The following AKAP9 variants were observed in gnomAD, a reference collection of about 807,000 sequenced individuals.
AKAP9 encodes A-kinase anchoring protein 9.
Under a neutral mutation model 488.5 loss-of-function variants are expected in AKAP9, and 311 were observed. That is an observed-to-expected ratio of 0.64 (90% CI 0.58 to 0.70). AKAP9 has a LOEUF of 0.70. AKAP9 is among the 30% of genes least tolerant of loss of function. The probability of loss-of-function intolerance (pLI) is 0.00; values close to 1 mark genes in which losing one functional copy is unlikely to be tolerated. For missense variants in AKAP9, 4,215 were observed against 4,374.5 expected (o/e 0.96, Z 1.03); for synonymous variants, 1,462 against 1,483.5 (o/e 0.99, Z 0.33).
chr7:92,031,583 A>G lies in AKAP9; in HGVS notation c.4317A>G (p.Gln1439=), dbSNP rs1197092151. ...TGCTTGAAAAACAATACCAAGAACA[A>G]TTAGAAGAAGAAGTAGCTAAGGTAG... The part of the protein sequence containing the change: ...VKLLEKQYQE[Q]LEEEVAKVIV... Residue 1439 remains glutamine (Q), a synonymous_variant, in exon 16 of 50, where the codon CAA becomes CAG. Coordinates refer to ENST00000356239, the MANE Select transcript of AKAP9 (RefSeq NM_005751.5). The G allele has an allele frequency of 1.2e-6, 2 of 1,610,900 alleles. No individual in the cohort carries two copies. Among genetic ancestry groups the G allele is most frequent in the Non-Finnish European group, 1.7e-6 (2 of 1,177,486 alleles).
In AKAP9 at chr7:92,017,103, G is replaced by T. The variant is rs1459816811; in HGVS notation, c.3837+1G>T. The T allele has an allele frequency of 2.6e-6, 4 of 1,554,906 alleles. No homozygotes were observed. The highest frequency in any genetic ancestry group is 3.5e-6 in the Non-Finnish European group (4 of 1,133,224). On this transcript the variant is annotated splice_donor_variant, in intron 12 of 49. Coordinates refer to ENST00000356239, the MANE Select transcript of AKAP9 (RefSeq NM_005751.5). LOFTEE classifies it high-confidence loss of function. ...GGTACTTCAAACACGACTAAGCAAG[G>T]TCTGTGAGATGGAAAATATATTGTA... is the stretch of plus-strand genomic sequence containing the variant.
intron 20 of AKAP9, among the ~76,000 whole-genome samples, chr7:92,043,528 T>A (rs1424956717): frequency 1.3e-5 from 2 of 152,300 alleles, no homozygotes; most frequent in Middle Eastern, 3.4e-3. Flanking sequence ...TATTTTTTTT[T>A]AACCACCATA....
intron 1 of AKAP9, among the ~76,000 whole-genome samples, chr7:91,969,166 A>G (rs1321330022): frequency 6.6e-6 from 1 of 152,166 alleles, no homozygotes; most frequent in East Asian, 1.9e-4. Context: ...CTGGGATTAC[A>G]GACATGAGCC....
chr7:91,959,246 A>G (rs895627226), intron 1 of AKAP9, among the ~76,000 whole-genome samples: 2 of 152,138 alleles, frequency 1.3e-5, no homozygotes, highest in Admixed American at 6.5e-5. Flanking sequence ...TAGTGTAACC[A>G]TGGACCTGAT....
At chr7:92,041,166 A>G (rs1483127915) in intron 18 of AKAP9, 1 of 415,032 alleles carries the variant, frequency 2.4e-6, no homozygotes, top group African/African-American at 2.0e-5. Flanking sequence ...TTTTTCAAGC[A>G]CTGGAAAAGT....
chr7:92,064,280 A>G (rs898399469), intron 24 of AKAP9, among the ~76,000 whole-genome samples: 3 of 152,030 alleles, frequency 2.0e-5, no homozygotes, highest in African/African-American at 4.8e-5. Flanking sequence ...GCTGTTTTCT[A>G]GAGATTCCTA....
rs1347908776 is a variant in AKAP9 at position 91,960,790 on chromosome 7, A to G, written c.49-12921A>G. ...TGGGCAGTCAATAAATATCTGTTGA[A>G]TAAATAAACTACTTACTACCTGACA... is the stretch of plus-strand genomic sequence containing the variant. On this transcript the variant is annotated intron_variant, in intron 1 of 49. Coordinates refer to ENST00000356239, the MANE Select transcript of AKAP9 (RefSeq NM_005751.5). 2.0e-5 allele frequency among the ~76,000 whole-genome samples: 3 copies of G among 152,236 alleles called. No individual in the cohort carries two copies. The East Asian group carries it at 5.8e-4, about 29-fold the overall frequency.
In AKAP9 at chr7:92,011,666, C is replaced by T. The variant is rs146718624; in HGVS notation, c.3319-763C>T. On this transcript the variant is annotated intron_variant, in intron 8 of 49. Transcript: ENST00000356239. The stretch of plus-strand genomic sequence containing the variant: ...AGGATGGACAATTAGGTCAGTGGAG[C>T]GTAATGGAAAGCCCAGAAACACATT... 2.8e-3 allele frequency among the ~76,000 whole-genome samples: 430 copies of T among 152,190 alleles called. 2 individuals are homozygous for T. Among genetic ancestry groups the T allele is most frequent in the Middle Eastern group, 0.014 (4 of 294 alleles).
intron 37 of AKAP9, among the ~76,000 whole-genome samples, chr7:92,087,638 A>T (rs1413761197): frequency 2.2e-4 from 34 of 152,146 alleles, no homozygotes; most frequent in African/African-American, 8.2e-4. Flanking sequence ...GACTTCTTGT[A>T]GAACTGATGA....
intron 37 of AKAP9, among the ~76,000 whole-genome samples, chr7:92,087,380 A>C (rs1490086890): frequency 6.6e-6 from 1 of 152,252 alleles, no homozygotes; most frequent in Non-Finnish European, 1.5e-5. Context: ...AATGAACTAA[A>C]GATATACCTG....
chr7:91,966,663 A>G (rs1414711435), intron 1 of AKAP9, among the ~76,000 whole-genome samples: 1 of 152,078 alleles, frequency 6.6e-6, no homozygotes, highest in Non-Finnish European at 1.5e-5. Flanking sequence ...GTGAATTTAT[A>G]TCTGGGTTCT....
chr7:92,006,634 A>T (rs1028515011), intron 8 of AKAP9, among the ~76,000 whole-genome samples: 7 of 152,212 alleles, frequency 4.6e-5, no homozygotes, highest in Non-Finnish European at 1.0e-4. Flanking sequence ...AGTGACTTAC[A>T]CAATAGTAAC....
intron 28 of AKAP9, among the ~76,000 whole-genome samples, chr7:92,074,624 A>T (rs1812261718): frequency 6.6e-6 from 1 of 152,212 alleles, no homozygotes; most frequent in Admixed American, 6.5e-5. Context: ...AATGTCCATT[A>T]ATGATAAACT....
In AKAP9 at chr7:92,062,296, T is replaced by C; in HGVS notation, c.5787T>C (p.Asp1929=). The C allele has an allele frequency of 6.2e-7, 1 of 1,613,598 alleles. No homozygotes were observed. Among genetic ancestry groups the C allele is most frequent in the Non-Finnish European group, 8.5e-7 (1 of 1,179,582 alleles). ...TAGGCGTCATTGATGGCTATGCAGATGAAAAAACTCTTTTTGAAAGGCAAA... is the reference window on the plus strand; with the variant it reads ...TAGGCGTCATTGATGGCTATGCAGACGAAAAAACTCTTTTTGAAAGGCAAA... The part of the protein sequence containing the change: ...KAEGVIDGYA[D]EKTLFERQIQ... The change falls in exon 24 of 50, where the codon GAT becomes GAC. Residue 1929 remains aspartate (D), a synonymous_variant. Coordinates refer to ENST00000356239, the MANE Select transcript of AKAP9 (RefSeq NM_005751.5).
chr7:91,974,696 T>C (rs1175994858), intron 2 of AKAP9, among the ~76,000 whole-genome samples: 1 of 152,174 alleles, frequency 6.6e-6, no homozygotes, highest in African/African-American at 2.4e-5. Context: ...TGGGGAGTTT[T>C]GTCATCTTAA....
At chr7:92,009,458 A>T (rs1046256046) in intron 8 of AKAP9, among the ~76,000 whole-genome samples, 3 of 152,226 alleles carry the variant, frequency 2.0e-5, no homozygotes, top group African/African-American at 7.2e-5. Flanking sequence ...ACAATTAAAG[A>T]ATTTGAAATC....
intron 16 of AKAP9, among the ~76,000 whole-genome samples, chr7:92,034,501 T>G (rs1051618667): frequency 1.0e-4 from 11 of 107,078 alleles, no homozygotes; most frequent in East Asian, 2.5e-4. Flanking sequence ...TATATATATT[T>G]TTTTTTTTTT....
rs1374194931 is a variant in AKAP9 at position 91,993,151 on chromosome 7, T to TC, written c.576+96_576+97insC. ...GTCTTTAAAGATGGGGTTTTTAAAA[T>TC]TTTTTTTTAACTTTTTTCTTTTCTT... On this transcript the variant is annotated intron_variant, in intron 5 of 49. Coordinates refer to ENST00000356239, the MANE Select transcript of AKAP9 (RefSeq NM_005751.5). The TC allele has an allele frequency of 3.8e-6, 5 of 1,300,260 alleles. No individual in the cohort carries two copies. In the African/African-American group the frequency reaches 7.5e-5, roughly 20 times the overall value. 80.5% of individuals were successfully genotyped at this position (1,300,260 alleles called of 1,614,324 possible). A position where few individuals can be genotyped will look rare whatever the true frequency, so the allele number is the denominator to read the frequency against.
chr7:91,941,864 C>A (rs1584498713), intron 1 of AKAP9, among the ~76,000 whole-genome samples: 1 of 146,770 alleles, frequency 6.8e-6, no homozygotes, highest in South Asian at 2.2e-4. Flanking sequence ...TGTTATATAT[C>A]TCTCTGGCGA....
Sources: allele counts gnomAD v4.1 joint callset (sites outside exome capture counted in the v4.1 genomes callset), GRCh38; gene constraint gnomAD v4.1.1; transcripts MANE v1.5; gene names NCBI Gene and HGNC (gene_info 2026-07-23, HGNC 2026-07-21).